Variants in KIF6 observed in about 807,000 individuals in gnomAD.
The protein encoded by KIF6 is kinesin family member 6, also known as kinesin-like protein KIF6.
A neutral mutation model predicts 112.7 loss-of-function variants in KIF6; 106 were observed. The ratio of observed to expected loss-of-function variants is 0.94; its 90% CI spans 0.80 to 1.11. KIF6 has a LOEUF of 1.11. KIF6 is among the 50% of genes least tolerant of loss of function. The pLI is 0.00. For synonymous variants in KIF6, 339 were observed against 339.9 expected (o/e 1.00, Z 0.03); for missense variants, 929 against 964.0 (o/e 0.96, Z 0.48).
At chr6:39,621,259 A>G (rs184933912) in intron 5 of KIF6, among the ~76,000 whole-genome samples, 1 of 152,062 alleles carries the variant, frequency 6.6e-6, no homozygotes, top group African/African-American at 2.4e-5. Context: ...AACTGTATCA[A>G]TATATATCTG....
chr6:39,485,873 T>C (rs1193410910), intron 13 of KIF6, among the ~76,000 whole-genome samples: 1 of 152,326 alleles, frequency 6.6e-6, no homozygotes, highest in South Asian at 2.1e-4. Context: ...CCTTTTTGAC[T>C]CATTGAATCC....
intron 6 of KIF6, among the ~76,000 whole-genome samples, chr6:39,609,335 C>T (rs1783077621): frequency 1.3e-5 from 2 of 152,106 alleles, no homozygotes; most frequent in Admixed American, 1.3e-4. Flanking sequence ...ACCAAAGGTC[C>T]CCTGCAAGCA....
At chr6:39,637,205 T>C (rs1784664212) in intron 4 of KIF6, among the ~76,000 whole-genome samples, 1 of 152,022 alleles carries the variant, frequency 6.6e-6, no homozygotes, top group Non-Finnish European at 1.5e-5. Context: ...GAATAAATCA[T>C]AAAACGTCAG....
intron 13 of KIF6, among the ~76,000 whole-genome samples, chr6:39,455,462 C>T (rs532310978): frequency 6.6e-6 from 1 of 152,018 alleles, no homozygotes; most frequent in East Asian, 1.9e-4. Context: ...ACGCAGAGTG[C>T]CTCTCCTCCT....
chr6:39,345,244 G>GGCAGGGCAGAGGCTGT (rs1432125173), intron 21 of KIF6, among the ~76,000 whole-genome samples: 1 of 152,256 alleles, frequency 6.6e-6, no homozygotes, highest in African/African-American at 2.4e-5. Context: ...AGTCCAGGCA[G>GGCAGGGCAGAGGCTGT]GCAGGGCAGA....
Position 39,346,085 on chromosome 6 carries a change from T to TCTCTCTCTCTCC in KIF6, c.2232-297_2232-296insGGAGAGAGAGAG, listed in dbSNP as rs1212794740. On this transcript the variant is annotated intron_variant, in intron 20 of 22. Transcript: ENST00000287152. ...CTCTCTCTCTCTCTCTCTCTCTCTC[T>TCTCTCTCTCTCC]CCCCCCCCTCTCCCTCCCCCCCTCC... Among the ~76,000 whole-genome samples the TCTCTCTCTCTCC allele has an allele frequency of 5.1e-3, 111 of 21,600 alleles. 19 individuals carry two copies. Among genetic ancestry groups the TCTCTCTCTCTCC allele is most frequent in the Non-Finnish European group, 6.7e-3 (83 of 12,472 alleles). 14.2% of individuals were successfully genotyped at this position (21,600 alleles called of 152,430 possible).
At chr6:39,515,256 CTTTCA>C (rs1777006839) in intron 13 of KIF6, among the ~76,000 whole-genome samples, 1 of 152,148 alleles carries the variant, frequency 6.6e-6, no homozygotes, top group African/African-American at 2.4e-5. Flanking sequence ...GGAATGTAGG[CTTTCA>C]CAGTTCAGGA....
At chr6:39,646,862 C>T (rs564306415) in intron 3 of KIF6, among the ~76,000 whole-genome samples, 11 of 152,262 alleles carry the variant, frequency 7.2e-5, no homozygotes, top group East Asian at 1.9e-4. Context: ...TCTGAGATCC[C>T]GAGTAAGTGA....
intron 10 of KIF6, among the ~76,000 whole-genome samples, chr6:39,569,341 A>G (rs545761033): frequency 6.6e-6 from 1 of 152,280 alleles, no homozygotes; most frequent in South Asian, 2.1e-4. Context: ...GTTTCATTTG[A>G]TTTTTAAAAT....
chr6:39,366,596 T>A (rs575646349), intron 16 of KIF6, among the ~76,000 whole-genome samples: 1 of 152,234 alleles, frequency 6.6e-6, no homozygotes, highest in African/African-American at 2.4e-5. Context: ...GGGGGACATT[T>A]GAGCAGTGAC....
At chr6:39,416,099 T>A (rs991802900) in intron 15 of KIF6, among the ~76,000 whole-genome samples, 1 of 152,206 alleles carries the variant, frequency 6.6e-6, no homozygotes, top group Non-Finnish European at 1.5e-5. Context: ...CCAAGAGGTG[T>A]CAGTCAAGCT....
chr6:39,418,916 A>G (rs1394659003), intron 15 of KIF6, among the ~76,000 whole-genome samples: 2 of 152,218 alleles, frequency 1.3e-5, no homozygotes, highest in Admixed American at 6.5e-5. Context: ...CCAGCGGGCC[A>G]GCTGTGAGCC....
At chr6:39,528,715 C>T (rs1476282673) in intron 13 of KIF6, among the ~76,000 whole-genome samples, 2 of 152,186 alleles carry the variant, frequency 1.3e-5, no homozygotes, top group African/African-American at 2.4e-5. Flanking sequence ...TTGCATTTCA[C>T]TAATGATTGG....
At chr6:39,426,754 A>G (rs1343879522) in intron 14 of KIF6, among the ~76,000 whole-genome samples, 2 of 151,284 alleles carry the variant, frequency 1.3e-5, no homozygotes, top group African/African-American at 4.9e-5. Flanking sequence ...CTGTCTCTTC[A>G]AAAAAAAAGT....
At chr6:39,372,190 T>A (rs1309506503) in intron 16 of KIF6, among the ~76,000 whole-genome samples, 3 of 152,160 alleles carry the variant, frequency 2.0e-5, no homozygotes, top group Non-Finnish European at 4.4e-5. Flanking sequence ...AATGACCAAT[T>A]CAGTTATGGG....
chr6:39,607,043 T>C (rs2150707789), intron 6 of KIF6, among the ~76,000 whole-genome samples: 1 of 152,314 alleles, frequency 6.6e-6, no homozygotes, highest in East Asian at 1.9e-4. Context: ...GATGGCTTTT[T>C]TCTCCTCTCT....
chr6:39,412,078 C>T (rs1328388), intron 15 of KIF6, among the ~76,000 whole-genome samples: 114,324 of 152,072 alleles, frequency 0.75, 44,259 homozygotes, highest in South Asian at 0.91. Flanking sequence ...TCCATCTTTT[C>T]TTGGTGGCAT....
At chr6:39,559,909 T>C (rs1477806231) in intron 10 of KIF6, among the ~76,000 whole-genome samples, 1 of 151,238 alleles carries the variant, frequency 6.6e-6, no homozygotes, top group African/African-American at 2.4e-5. Context: ...ATTATGAAAA[T>C]AAAAATATAA....
intron 2 of KIF6, 60 bp downstream of exon 2, chr6:39,720,642 C>T: frequency 1.2e-6 from 1 of 840,276 alleles, no homozygotes; most frequent in Admixed American, 1.9e-5. Flanking sequence ...AATATTAATG[C>T]AGTACAAGAG....
Sources: allele counts gnomAD v4.1 joint callset (sites outside exome capture counted in the v4.1 genomes callset), GRCh38; gene constraint gnomAD v4.1.1; transcripts MANE v1.5; gene names NCBI Gene and HGNC (gene_info 2026-07-23, HGNC 2026-07-21).